Variants in DLGAP1 observed in about 807,000 individuals in gnomAD.
The protein encoded by DLGAP1 is DLG associated protein 1.
Under a neutral mutation model 90.8 loss-of-function variants are expected in DLGAP1, and 11 were observed. The observed-to-expected ratio is 0.12, with a 90% CI of 0.08 to 0.20. The LOEUF is 0.20. DLGAP1 is among the 10% of genes least tolerant of loss of function. The probability of loss-of-function intolerance (pLI) is 1.00; values close to 1 mark genes in which losing one functional copy is unlikely to be tolerated. For missense variants in DLGAP1, 1,050 were observed against 1,333.8 expected (o/e 0.79, Z 3.31); for synonymous variants, 558 against 540.7 (o/e 1.03, Z -0.44).
chr18:3,802,549 T>A (rs2066356884), intron 5 of DLGAP1, among the ~76,000 whole-genome samples: 1 of 152,224 alleles, frequency 6.6e-6, no homozygotes. Context: ...AGATTCCAAA[T>A]CGAATCCTTT....
At chr18:4,097,018 CCT>C (rs1432895471) in intron 2 of DLGAP1, among the ~76,000 whole-genome samples, 1 of 152,188 alleles carries the variant, frequency 6.6e-6, no homozygotes, top group Non-Finnish European at 1.5e-5. Context: ...ACAGGGGTCT[CCT>C]CTCTCTTTCA....
chr18:4,237,026 G>T (rs908052659), intron 1 of DLGAP1, among the ~76,000 whole-genome samples: 3 of 152,154 alleles, frequency 2.0e-5, no homozygotes, highest in Admixed American at 1.3e-4. Flanking sequence ...AGAACATTAG[G>T]GGTTTAGTCA....
chr18:4,061,767 A>G (rs889625312), intron 2 of DLGAP1, among the ~76,000 whole-genome samples: 5 of 152,198 alleles, frequency 3.3e-5, no homozygotes, highest in Admixed American at 2.6e-4. Context: ...TAATTGTTAC[A>G]GTAAATTATG....
intron 11 of DLGAP1, among the ~76,000 whole-genome samples, chr18:3,507,772 A>T (rs13381516): frequency 0.16 from 18,458 of 113,674 alleles, 1,936 homozygotes; most frequent in East Asian, 0.48. Context: ...ATGAAGTCTC[A>T]CTCTGTCCCC....
intron 2 of DLGAP1, among the ~76,000 whole-genome samples, chr18:4,136,479 T>C (rs2144262476): frequency 6.6e-6 from 1 of 152,362 alleles, no homozygotes; most frequent in Non-Finnish European, 1.5e-5. Flanking sequence ...TTTGCATTTC[T>C]CTAATGATCA....
intron 1 of DLGAP1, among the ~76,000 whole-genome samples, chr18:4,322,016 G>A (rs188245874): frequency 2.0e-4 from 30 of 151,894 alleles, no homozygotes; most frequent in Admixed American, 1.3e-3. Context: ...CCTGGTCAAC[G>A]TGGTGAAACC....
chr18:3,990,859 C>T lies in DLGAP1; in HGVS notation c.-73+14257G>A, dbSNP rs72866700. Among the ~76,000 whole-genome samples the T allele has an allele frequency of 2.2e-3, 329 of 151,798 alleles. 3 individuals carry two copies. Among genetic ancestry groups the T allele is most frequent in the Non-Finnish European group, 2.5e-3 (171 of 67,940 alleles). ...AGAGGCAGATATAGGAATTTAGCTG[C>T]CTTCTATTAAACCAGTTATTAGTTA... On this transcript the variant is annotated intron_variant, in intron 3 of 12. Transcript: ENST00000315677.
chr18:4,318,421 T>C (rs985772123), intron 1 of DLGAP1, among the ~76,000 whole-genome samples: 1 of 152,144 alleles, frequency 6.6e-6, no homozygotes, highest in Non-Finnish European at 1.5e-5. Flanking sequence ...AATCTGAAAG[T>C]TGTAACATGA....
chr18:3,915,918 T>C (rs1438713534), intron 3 of DLGAP1, among the ~76,000 whole-genome samples: 1 of 152,202 alleles, frequency 6.6e-6, no homozygotes, highest in South Asian at 2.1e-4. Context: ...CTATTTTTAA[T>C]TTTTTGTGGA....
rs1347587554 is a variant in DLGAP1, at chr18:4,342,300, A to G, written c.-267+112706T>C. On this transcript the variant is annotated intron_variant, in intron 1 of 12. Coordinates refer to ENST00000315677, the MANE Select transcript of DLGAP1 (RefSeq NM_004746.4). This position sits in a 1 kb window ranked among gnomAD's most constrained non-coding sequence, Gnocchi z 5.8. ...ATGGTAGGCGAGGATTTTTTATATT[A>G]GATGTTACTTGTATTTTTGAACTAT... Among the ~76,000 whole-genome samples, 3 of 152,098 alleles carry G rather than the reference A, an allele frequency of 2.0e-5. No individual in the cohort carries two copies. The highest frequency in any genetic ancestry group is 2.9e-5 in the Non-Finnish European group (2 of 68,026).
chr18:4,038,022 A>G (rs537355910), intron 2 of DLGAP1, among the ~76,000 whole-genome samples: 5 of 152,354 alleles, frequency 3.3e-5, no homozygotes, highest in Non-Finnish European at 7.4e-5. Flanking sequence ...TGCCATATCC[A>G]TAAGTTTCTT....
At position 3,971,272 on chromosome 18, in the gene DLGAP1, G is replaced by A. The variant is rs530580059; in HGVS notation, c.-73+33844C>T. Among the ~76,000 whole-genome samples, 9 of 152,300 alleles carry A rather than the reference G, an allele frequency of 5.9e-5. No homozygotes were observed. The East Asian group carries it at 1.7e-3, about 29-fold the overall frequency. ...TAGTTTCTATTATTTCTTTTCAGAG[G>A]TAGGAGTTCTTTTCATGCTAACTGC... is the stretch of plus-strand genomic sequence containing the variant. On this transcript the variant is annotated intron_variant, in intron 3 of 12. Coordinates refer to ENST00000315677, the MANE Select transcript of DLGAP1 (RefSeq NM_004746.4).
intron 5 of DLGAP1, among the ~76,000 whole-genome samples, chr18:3,749,194 G>A (rs2063396648): frequency 7.2e-6 from 1 of 138,524 alleles, no homozygotes; most frequent in Admixed American, 7.7e-5. Context: ...CTGTTGCCCA[G>A]GCTGGAGTGC....
chr18:3,831,837 A>C (rs2068050038), intron 4 of DLGAP1, among the ~76,000 whole-genome samples: 1 of 152,224 alleles, frequency 6.6e-6, no homozygotes, highest in African/African-American at 2.4e-5. Context: ...AACATGTAGA[A>C]GACAAACATG....
At chr18:3,954,029 A>C (rs1322507005) in intron 3 of DLGAP1, among the ~76,000 whole-genome samples, 1 of 152,342 alleles carries the variant, frequency 6.6e-6, no homozygotes, top group East Asian at 1.9e-4. Flanking sequence ...TACTGTTATA[A>C]GGAATATTTC....
Position 4,049,226 on chromosome 18 carries a change from CAAA to C in DLGAP1, c.-158-44028_-158-44026del, listed in dbSNP as rs71368721. ...TTGGCAGCACAGCAAGACTCTGTCT[CAAA>C]AAAAAAAAAAAAAAAATTATATGCC... On this transcript the variant is annotated intron_variant, in intron 2 of 12. Coordinates refer to ENST00000315677, the MANE Select transcript of DLGAP1 (RefSeq NM_004746.4). 1.9e-3 allele frequency among the ~76,000 whole-genome samples: 258 copies of C among 134,162 alleles called. 2 individuals are homozygous for C. The highest frequency in any genetic ancestry group is 0.011 in the Middle Eastern group (3 of 264). The allele number at this position is 134,162 out of a possible 152,430, so 88.0% of individuals were successfully genotyped here.
chr18:4,178,440 T>C (rs2077154312), intron 1 of DLGAP1, among the ~76,000 whole-genome samples: 2 of 152,316 alleles, frequency 1.3e-5, no homozygotes, highest in South Asian at 4.1e-4. Flanking sequence ...TATAATTTTT[T>C]GCATACTTTT....
chr18:4,059,694 G>C (rs938093133), intron 2 of DLGAP1, among the ~76,000 whole-genome samples: 2 of 150,642 alleles, frequency 1.3e-5, no homozygotes, highest in Non-Finnish European at 2.9e-5. Context: ...CTGGACAACA[G>C]GAGCAAAACT....
At chr18:3,797,502 C>T (rs2066059218) in intron 5 of DLGAP1, among the ~76,000 whole-genome samples, 1 of 152,088 alleles carries the variant, frequency 6.6e-6, no homozygotes, top group African/African-American at 2.4e-5. Flanking sequence ...TGTTAAGTCA[C>T]CCAGTCTATG....
Sources: allele counts gnomAD v4.1 joint callset (sites outside exome capture counted in the v4.1 genomes callset), GRCh38; gene constraint gnomAD v4.1.1; non-coding constraint Gnocchi (gnomAD v3.1); transcripts MANE v1.5; gene names NCBI Gene and HGNC (gene_info 2026-07-23, HGNC 2026-07-21).